CATSPERT: variants seen among roughly 807,000 people sequenced by gnomAD.
CATSPERT encodes the protein catsper channel auxiliary subunit tau.
the CATSPERT span, among the ~76,000 whole-genome samples, chr2:201,490,424 T>C: frequency 1.3e-5 from 2 of 152,182 alleles, no homozygotes; most frequent in Non-Finnish European, 2.9e-5. Context: ...GAAAAGAAAA[T>C]GTCGGCTATG....
the CATSPERT span, among the ~76,000 whole-genome samples, chr2:201,548,289 T>G: frequency 6.6e-6 from 1 of 152,146 alleles, no homozygotes; most frequent in Non-Finnish European, 1.5e-5. Flanking sequence ...GAGAGTAGTC[T>G]TCACTGTTTG....
chr2:201,535,938 T>C, the CATSPERT span: 2 of 1,575,324 alleles, frequency 1.3e-6, no homozygotes, highest in Non-Finnish European at 1.7e-6. Flanking sequence ...TAAGTTTAGA[T>C]TGTTGTTTTG....
chr2:201,535,972 A>G, the CATSPERT span: 1 of 1,604,572 alleles, frequency 6.2e-7, no homozygotes, highest in Non-Finnish European at 8.5e-7. Flanking sequence ...GTTGGAGATG[A>G]ATCTAAGTTC....
the CATSPERT span, chr2:201,554,503 C>T: frequency 6.6e-6 from 1 of 152,116 alleles, no homozygotes; most frequent in African/African-American, 2.4e-5. Context: ...TCAAATTATT[C>T]CTCTTAAGCC....
At chr2:201,499,140 A>G in the CATSPERT span, among the ~76,000 whole-genome samples, 1 of 152,202 alleles carries the variant, frequency 6.6e-6, no homozygotes. Flanking sequence ...ACATAAAATG[A>G]AGTTTACCAT....
the CATSPERT span, among the ~76,000 whole-genome samples, chr2:201,567,315 G>A: frequency 2.0e-5 from 3 of 152,018 alleles, no homozygotes; most frequent in African/African-American, 4.8e-5. Context: ...AATATTTTAC[G>A]AATTAGTTTG....
chr2:201,518,543 T>C, the CATSPERT span, among the ~76,000 whole-genome samples: 1 of 152,056 alleles, frequency 6.6e-6, no homozygotes, highest in Admixed American at 6.5e-5. Flanking sequence ...CTTAAGGGAG[T>C]ACTACAAATG....
the CATSPERT span, among the ~76,000 whole-genome samples, chr2:201,617,437 G>C: frequency 3.3e-5 from 5 of 152,144 alleles, no homozygotes; most frequent in Non-Finnish European, 7.3e-5. Flanking sequence ...TGACAAACCT[G>C]ACATAAACAA....
chr2:201,518,001 A>T, the CATSPERT span, among the ~76,000 whole-genome samples: 1 of 152,238 alleles, frequency 6.6e-6, no homozygotes, highest in South Asian at 2.1e-4. Context: ...AGAGGCTCTA[A>T]TCAGTACAGA....
the CATSPERT span, among the ~76,000 whole-genome samples, chr2:201,604,064 T>C: frequency 2.6e-5 from 4 of 152,180 alleles, no homozygotes; most frequent in Non-Finnish European, 5.9e-5. Context: ...TGTCTTGTTC[T>C]GTACTTTGAA....
At chr2:201,571,998 G>C in the CATSPERT span, 1 of 1,612,958 alleles carries the variant, frequency 6.2e-7, no homozygotes, top group Non-Finnish European at 8.5e-7. Context: ...GGATGGCTCA[G>C]TAATTTTCTG....
chr2:201,570,175 AAAAT>A, the CATSPERT span, among the ~76,000 whole-genome samples: 1 of 152,118 alleles, frequency 6.6e-6, no homozygotes, highest in South Asian at 2.1e-4. Context: ...TGTCTCCAAA[AAAAT>A]AAATAAATAA....
At chr2:201,545,518 TA>T in the CATSPERT span, 9 of 1,322,852 alleles carry the variant, frequency 6.8e-6, no homozygotes, top group East Asian at 2.6e-5. Flanking sequence ...ATCTTAATAA[TA>T]AAAAAATCAA....
the CATSPERT span, chr2:201,535,909 C>T: frequency 6.5e-7 from 1 of 1,545,024 alleles, no homozygotes; most frequent in Non-Finnish European, 8.7e-7. Context: ...GAAACTAAGC[C>T]TGTGTTCTCC....
chr2:201,619,125 C>CT, the CATSPERT span: 4 of 1,613,974 alleles, frequency 2.5e-6, no homozygotes, highest in Non-Finnish European at 3.4e-6. Flanking sequence ...CTTGGGGTGG[C>CT]TCCATCTCTC....
the CATSPERT span, among the ~76,000 whole-genome samples, chr2:201,519,475 C>T: frequency 6.6e-6 from 1 of 151,636 alleles, no homozygotes; most frequent in African/African-American, 2.4e-5. Flanking sequence ...AAACATGACA[C>T]AAAGGAACAC....
chr2:201,610,963 G>A, the CATSPERT span, among the ~76,000 whole-genome samples: 1 of 152,040 alleles, frequency 6.6e-6, no homozygotes, highest in Admixed American at 6.6e-5. Context: ...GGCATAGAAG[G>A]AATGTACTTC....
the CATSPERT span, among the ~76,000 whole-genome samples, chr2:201,490,617 G>T: frequency 6.6e-6 from 1 of 152,186 alleles, no homozygotes; most frequent in East Asian, 1.9e-4. Context: ...TGGGGGAGGG[G>T]TGCCACTGTT....
At chr2:201,582,013 C>T in the CATSPERT span, 6 of 1,495,672 alleles carry the variant, frequency 4.0e-6, no homozygotes, top group Admixed American at 1.5e-4. Flanking sequence ...AAAAAAAGCC[C>T]ATCAAGTATA....
Sources: allele counts gnomAD v4.1 joint callset (sites outside exome capture counted in the v4.1 genomes callset), GRCh38; gene constraint gnomAD v4.1.1; transcripts MANE v1.5; gene names NCBI Gene and HGNC (gene_info 2026-07-23, HGNC 2026-07-21).